ADAMTS20: variants seen among roughly 807,000 people sequenced by gnomAD.
The protein encoded by ADAMTS20 is ADAM metallopeptidase with thrombospondin type 1 motif 20.
A neutral mutation model predicts 260.1 loss-of-function variants in ADAMTS20; 225 were observed. The ratio of observed to expected loss-of-function variants is 0.87; its 90% CI spans 0.78 to 0.97. The LOEUF (loss-of-function observed/expected upper bound fraction) is 0.97. Ranked by LOEUF, ADAMTS20 falls within the 50% of genes least tolerant of loss-of-function variation. The pLI is 0.00. For synonymous variants in ADAMTS20, 802 were observed against 769.5 expected (o/e 1.04, Z -0.70); for missense variants, 2,400 against 2,337.7 (o/e 1.03, Z -0.55).
Position 43,466,763 on chromosome 12 carries a change from C to T in ADAMTS20, c.1256G>A (p.Cys419Tyr), listed in dbSNP as rs753327264. 6.2e-7 allele frequency: 1 copy of T among 1,605,904 alleles called. No individual in the cohort carries two copies. Among genetic ancestry groups the T allele is most frequent in the South Asian group, 1.1e-5 (1 of 89,840 alleles). ...LGVQHDDNPR[C>Y]KEMKVTKYHV... is the part of the protein sequence containing the mutation. ...ATACTTTGTAACTTTCATTTCTTTA[C>T]ATCTAGGATTATCATCATGTTGAAC... The change falls in exon 9 of 39, where the codon TGT becomes TAT. Residue 419 changes from cysteine to tyrosine, a missense_variant. Coordinates refer to ENST00000389420, the MANE Select transcript of ADAMTS20 (RefSeq NM_025003.5).
At chr12:43,374,832 T>C (rs949557809) in intron 36 of ADAMTS20, among the ~76,000 whole-genome samples, 39 of 152,198 alleles carry the variant, frequency 2.6e-4, no homozygotes, top group Admixed American at 2.0e-3. Context: ...GAGGGTTTTA[T>C]CTTGGAAGGG....
intron 28 of ADAMTS20, among the ~76,000 whole-genome samples, chr12:43,414,059 T>A (rs1027702596): frequency 1.3e-5 from 2 of 152,204 alleles, no homozygotes; most frequent in African/African-American, 2.4e-5. Context: ...TAGGTAAATA[T>A]CTACTGAATA....
chr12:43,409,696 G>C (rs1298138967), intron 28 of ADAMTS20, among the ~76,000 whole-genome samples: 1 of 150,250 alleles, frequency 6.7e-6, no homozygotes, highest in African/African-American at 2.5e-5. Context: ...TTAAAAAATG[G>C]TTGCATAGCA....
At chr12:43,466,823 G>T (rs1397995768) in intron 8 of ADAMTS20, 28 bp from the exon 9 acceptor site, 2 of 1,518,168 alleles carry the variant, frequency 1.3e-6, no homozygotes, top group East Asian at 4.5e-5. Context: ...CACTTAAAAG[G>T]AATATCAAAA....
chr12:43,391,478 A>C (rs1940595304), intron 29 of ADAMTS20, among the ~76,000 whole-genome samples: 1 of 152,234 alleles, frequency 6.6e-6, no homozygotes, highest in African/African-American at 2.4e-5. Flanking sequence ...ATCTTCCAAA[A>C]TTAAGTAGTA....
chr12:43,399,358 T>C, intron 28 of ADAMTS20, 125 bp from the exon 29 acceptor site: 1 of 836,308 alleles, frequency 1.2e-6, no homozygotes, highest in Non-Finnish European at 1.7e-6. Flanking sequence ...AGATATGCTC[T>C]AGTATTTCTA....
Position 43,432,800 on chromosome 12 carries a change from A to G in ADAMTS20, c.2732T>C (p.Ile911Thr). 6.2e-7 allele frequency: 1 copy of G among 1,613,608 alleles called. No homozygotes were observed. The highest frequency in any genetic ancestry group is 8.5e-7 in the Non-Finnish European group (1 of 1,179,562). ...NTDCELRWHV[I>T]GKSECSSQCG... ...TTGGGATGAACATTCACTTTTGCCA[A>G]TAACATGCCACCTTGAAAAAAGATG... The change falls in exon 20 of 39, where the codon ATT becomes ACT. Residue 911 changes from isoleucine to threonine, a missense_variant. By Grantham distance (89) the Ile-to-Thr change is moderately conservative. Coordinates refer to ENST00000389420, the MANE Select transcript of ADAMTS20 (RefSeq NM_025003.5).
chr12:43,474,424 G>A (rs1285291867), intron 7 of ADAMTS20, among the ~76,000 whole-genome samples: 4 of 150,996 alleles, frequency 2.6e-5, no homozygotes, highest in East Asian at 2.0e-4. Flanking sequence ...GGAGGAACTG[G>A]TACCATTCCT....
At chr12:43,415,862 A>T (rs1374642056) in intron 28 of ADAMTS20, among the ~76,000 whole-genome samples, 1 of 152,172 alleles carries the variant, frequency 6.6e-6, no homozygotes. Context: ...CTCTTACATG[A>T]GACTATCTAA....
At chr12:43,378,558 G>A (rs1940279887) in intron 31 of ADAMTS20, among the ~76,000 whole-genome samples, 2 of 152,210 alleles carry the variant, frequency 1.3e-5, no homozygotes, top group Non-Finnish European at 2.9e-5. Context: ...AATCTTAAGT[G>A]CAAGGCAAGA....
At chr12:43,497,982 A>G (rs1942701105) in intron 4 of ADAMTS20, among the ~76,000 whole-genome samples, 1 of 152,072 alleles carries the variant, frequency 6.6e-6, no homozygotes, top group Non-Finnish European at 1.5e-5. Flanking sequence ...TGAAGAAAAA[A>G]CTGCTCTAGT....
chr12:43,531,918 TA>T, intron 3 of ADAMTS20, 117 bp downstream of exon 3: 1 of 733,322 alleles, frequency 1.4e-6, no homozygotes, highest in African/African-American at 1.8e-5. Context: ...TTTCTGAATT[TA>T]AAAAATTAAT....
At chr12:43,480,465 C>T (rs947858411) in intron 7 of ADAMTS20, among the ~76,000 whole-genome samples, 13 of 152,126 alleles carry the variant, frequency 8.5e-5, no homozygotes, top group Non-Finnish European at 1.6e-4. Flanking sequence ...ATTGCTATAT[C>T]ATATGGTAGT....
In ADAMTS20 at chr12:43,425,675, C is replaced by T. The variant is rs757782268; in HGVS notation, c.4123G>A (p.Gly1375Arg). ...ACAAGTCTTGATTTTATTCCTCCTC[C>T]ACATGTTTGTGAACACTAAAAACAA... ...GNWGECSQTC[G>R]GGIKSRLVIC... is the part of the protein sequence containing the mutation. The change falls in exon 28 of 39, where the codon GGA becomes AGA. Residue 1375 changes from glycine (G) to arginine (R), a missense_variant. By Grantham distance (125) the Gly-to-Arg change is moderately radical. Coordinates refer to ENST00000389420, the MANE Select transcript of ADAMTS20 (RefSeq NM_025003.5). 4 of 1,595,686 alleles carry T rather than the reference C, an allele frequency of 2.5e-6. No homozygotes were observed. The highest frequency in any genetic ancestry group is 3.4e-6 in the Non-Finnish European group (4 of 1,168,132).
chr12:43,529,931 A>G, intron 3 of ADAMTS20, among the ~76,000 whole-genome samples: 1 of 152,154 alleles, frequency 6.6e-6, no homozygotes. Context: ...AAATATGAGT[A>G]TTTGTTAGCT....
intron 12 of ADAMTS20, among the ~76,000 whole-genome samples, chr12:43,453,128 T>C (rs1042695575): frequency 6.6e-6 from 1 of 152,206 alleles, no homozygotes; most frequent in Non-Finnish European, 1.5e-5. Flanking sequence ...AGGAGTTTTA[T>C]GGTATCAATC....
chr12:43,551,236 T>A lies in ADAMTS20; in HGVS notation c.126A>T (p.Val42=). The change falls in exon 2 of 39, where the codon GTA becomes GTT. Residue 42 remains valine (V), a synonymous_variant. Coordinates refer to ENST00000389420, the MANE Select transcript of ADAMTS20 (RefSeq NM_025003.5). The surrounding 1 kb of genome is among the most constrained non-coding windows in gnomAD (Gnocchi z 4.6). ...ALVRTLTSYE[V]VIPERVNEFG... ...ACTCATTGACCCGCTCGGGGATCACTACTTCGTAGGAGGTCAGTGTCCTCA... is the reference window on the plus strand; with the variant it reads ...ACTCATTGACCCGCTCGGGGATCACAACTTCGTAGGAGGTCAGTGTCCTCA... The A allele has an allele frequency of 1.2e-6, 2 of 1,613,816 alleles. No individual in the cohort carries two copies. The highest frequency in any genetic ancestry group is 1.1e-5 in the South Asian group (1 of 91,078).
At chr12:43,375,722 C>A (rs1398732278) in intron 35 of ADAMTS20, among the ~76,000 whole-genome samples, 2 of 152,212 alleles carry the variant, frequency 1.3e-5, no homozygotes, top group East Asian at 1.9e-4. Flanking sequence ...AATAATTCAA[C>A]TGCATTCTTC....
chr12:43,455,083 C>G (rs956410876), intron 11 of ADAMTS20, among the ~76,000 whole-genome samples: 1 of 152,168 alleles, frequency 6.6e-6, no homozygotes, highest in Non-Finnish European at 1.5e-5. Context: ...TGGTAACCAC[C>G]ATTCTACTTT....
Sources: gnomAD v4.1 joint callset for allele counts (sites outside exome capture counted in the v4.1 genomes callset) on GRCh38, gnomAD v4.1.1 for gene constraint, Gnocchi (gnomAD v3.1) non-coding constraint, MANE v1.5 for transcripts, NCBI Gene and HGNC (gene_info 2026-07-23, HGNC 2026-07-21) for gene names.